Variants in EPS15L1 observed in about 807,000 individuals in gnomAD.
EPS15L1 encodes epidermal growth factor receptor pathway substrate 15 like 1.
Under a neutral mutation model 117.1 loss-of-function variants are expected in EPS15L1, and 43 were observed. The observed-to-expected ratio is 0.37, with a 90% CI of 0.29 to 0.47. The LOEUF is 0.47. Ranked by LOEUF, EPS15L1 falls within the 20% of genes least tolerant of loss-of-function variation. EPS15L1 has a pLI of 0.99. For missense variants in EPS15L1, 981 were observed against 1,164.0 expected, an observed-to-expected ratio of 0.84 and a Z score of 2.29; for synonymous variants, 459 against 470.5, an observed-to-expected ratio of 0.98 and a Z score of 0.32.
chr19:16,463,165 G>A (rs757279165), intron 1 of EPS15L1, among the ~76,000 whole-genome samples: 3 of 152,134 alleles, frequency 2.0e-5, no homozygotes, highest in African/African-American at 4.8e-5. Context: ...GGGGTCTCAC[G>A]TGGCTTGGAG....
chr19:16,395,936 CT>C (rs2092535815), intron 16 of EPS15L1, among the ~76,000 whole-genome samples: 1 of 141,148 alleles, frequency 7.1e-6, no homozygotes, highest in Non-Finnish European at 1.5e-5. Flanking sequence ...TAGAGTGAGT[CT>C]ATCTCAAAAA....
chr19:16,421,965 T>C (rs1373270361), intron 9 of EPS15L1, among the ~76,000 whole-genome samples: 1 of 152,084 alleles, frequency 6.6e-6, no homozygotes, highest in East Asian at 1.9e-4. Context: ...CCCTTCTATG[T>C]CCCTGCCCCA....
At chr19:16,369,583 A>G (rs1324568588) in intron 22 of EPS15L1, among the ~76,000 whole-genome samples, 1 of 152,070 alleles carries the variant, frequency 6.6e-6, no homozygotes, top group Non-Finnish European at 1.5e-5. Flanking sequence ...GAAGTGAGAA[A>G]TAACAATTTT....
Position 16,395,353 on chromosome 19 carries a change from G to C in EPS15L1, c.1906C>G (p.Pro636Ala), listed in dbSNP as rs750191435. 1.2e-6 allele frequency: 2 copies of C among 1,613,866 alleles called. No homozygotes were observed. The highest frequency in any genetic ancestry group is 2.7e-5 in the African/African-American group (2 of 75,000). The change falls in exon 17 of 24, where the codon CCC (proline) becomes GCC (alanine). Residue 636 changes from proline (P) to alanine (A), a missense_variant. Coordinates refer to ENST00000455140, the MANE Select transcript of EPS15L1 (RefSeq NM_001258374.3). Reference protein sequence around the residue: ...FKSDPFKGADPFKGDPFQNDP... With the variant: ...FKSDPFKGADAFKGDPFQNDP... ...GTAGCAAGTGAGATACCTTTGAAGGGGTCAGCTCCTTTAAATGGGTCAGAT... is the reference window on the plus strand; with the variant it reads ...GTAGCAAGTGAGATACCTTTGAAGGCGTCAGCTCCTTTAAATGGGTCAGAT...
At chr19:16,467,629 T>A (rs2093316308) in intron 1 of EPS15L1, among the ~76,000 whole-genome samples, 1 of 152,206 alleles carries the variant, frequency 6.6e-6, no homozygotes. Context: ...AAAACTTCGT[T>A]CTCATCAATT....
At chr19:16,444,488 A>C (rs1305695880) in intron 1 of EPS15L1, among the ~76,000 whole-genome samples, 1 of 152,094 alleles carries the variant, frequency 6.6e-6, no homozygotes, top group Non-Finnish European at 1.5e-5. Context: ...TCTGGGCTCA[A>C]ACTCCAGCTT....
intron 13 of EPS15L1, among the ~76,000 whole-genome samples, chr19:16,406,548 C>T (rs1451250958): frequency 2.0e-5 from 3 of 152,166 alleles, no homozygotes; most frequent in African/African-American, 7.2e-5. Flanking sequence ...TAACCCTGGC[C>T]CCATCACCGG....
In EPS15L1 at chr19:16,358,522, C is replaced by T. The variant is rs549193514; in HGVS notation, c.2587-2671G>A. Among the ~76,000 whole-genome samples the T allele has an allele frequency of 6.6e-5, 10 of 152,356 alleles. No homozygotes were observed. In the East Asian group the frequency reaches 9.6e-4, roughly 15 times the overall value. On this transcript the variant is annotated intron_variant, in intron 23 of 23. Coordinates refer to ENST00000455140, the MANE Select transcript of EPS15L1 (RefSeq NM_001258374.3). ...TGATTTCTGCTTCCCTCTGGCATTA[C>T]CATGGAACCGAGACACCGTAGGGGC... is the stretch of plus-strand genomic sequence containing the variant.
chr19:16,429,315 G>A (rs1370980074), intron 7 of EPS15L1, among the ~76,000 whole-genome samples: 3 of 152,184 alleles, frequency 2.0e-5, no homozygotes, highest in Admixed American at 6.5e-5. Context: ...GACACGTGCA[G>A]ATCTCAAGCA....
intron 1 of EPS15L1, among the ~76,000 whole-genome samples, chr19:16,467,156 T>C (rs1016302096): frequency 5.3e-5 from 8 of 151,594 alleles, no homozygotes; most frequent in African/African-American, 1.7e-4. Context: ...TTTTCTTTTT[T>C]TTTTTTTTGA....
intron 22 of EPS15L1, among the ~76,000 whole-genome samples, chr19:16,363,752 C>G (rs1250648149): frequency 6.6e-6 from 1 of 152,242 alleles, no homozygotes; most frequent in Non-Finnish European, 1.5e-5. Flanking sequence ...CCAGCATAGG[C>G]CAGTGAGAAC....
At chr19:16,378,215 T>TAGGTAGGC (rs1555741170) in intron 21 of EPS15L1, among the ~76,000 whole-genome samples, 2 of 151,844 alleles carry the variant, frequency 1.3e-5, no homozygotes, top group African/African-American at 2.4e-5. Flanking sequence ...GGTAGGTAGG[T>TAGGTAGGC]AGGCACTTCC....
chr19:16,469,393 G>A (rs1210916946), intron 1 of EPS15L1, among the ~76,000 whole-genome samples: 3 of 152,030 alleles, frequency 2.0e-5, no homozygotes, highest in African/African-American at 7.2e-5. Context: ...AAGGACGGAG[G>A]GGCCACCGGT....
chr19:16,364,011 C>T (rs1460581999), intron 22 of EPS15L1, among the ~76,000 whole-genome samples: 2 of 152,148 alleles, frequency 1.3e-5, no homozygotes, highest in African/African-American at 4.8e-5. Flanking sequence ...CCGTTGCATC[C>T]TTAGCTGACC....
intron 8 of EPS15L1, among the ~76,000 whole-genome samples, chr19:16,425,517 C>G (rs1454554538): frequency 6.6e-6 from 1 of 152,138 alleles, no homozygotes; most frequent in Non-Finnish European, 1.5e-5. Context: ...TGAATTATTC[C>G]TCGAGACTGA....
At position 16,396,495 on chromosome 19, in the gene EPS15L1, C is replaced by T. The variant is rs142757044; in HGVS notation, c.1792-1028G>A. On this transcript the variant is annotated intron_variant, in intron 16 of 23. Coordinates refer to ENST00000455140, the MANE Select transcript of EPS15L1 (RefSeq NM_001258374.3). ...CCAGGGCTGGTTTTGAACTCCTGAG[C>T]TCAACTGATCCTCCCACCTCAGCCT... Among the ~76,000 whole-genome samples the T allele has an allele frequency of 2.0e-3, 308 of 152,252 alleles. 1 individual carries two copies. The highest frequency in any genetic ancestry group is 3.8e-3 in the Non-Finnish European group (256 of 68,008).
At chr19:16,453,302 G>A (rs930637834) in intron 1 of EPS15L1, among the ~76,000 whole-genome samples, 1 of 152,038 alleles carries the variant, frequency 6.6e-6, no homozygotes, top group African/African-American at 2.4e-5. Flanking sequence ...ACGGGGTCTT[G>A]CTTTGTTGCC....
At chr19:16,397,992 C>A (rs2092557648) in intron 16 of EPS15L1, among the ~76,000 whole-genome samples, 1 of 152,174 alleles carries the variant, frequency 6.6e-6, no homozygotes, top group Admixed American at 6.5e-5. Context: ...AGTATTCCAA[C>A]CGACCAAAAC....
chr19:16,385,009 G>A, intron 21 of EPS15L1, 120 bp downstream of exon 21: 1 of 800,904 alleles, frequency 1.2e-6, no homozygotes, highest in South Asian at 1.5e-5. Flanking sequence ...CTGACCTTGT[G>A]TTGGAAAGGT....
Sources: gnomAD v4.1 joint callset for allele counts (sites outside exome capture counted in the v4.1 genomes callset) on GRCh38, gnomAD v4.1.1 for gene constraint, MANE v1.5 for transcripts, NCBI Gene and HGNC (gene_info 2026-07-23, HGNC 2026-07-21) for gene names.